The following HDAC4 variants were observed in gnomAD, a reference collection of about 807,000 sequenced individuals.
HDAC4 encodes the protein histone deacetylase 4, also known as histone deacetylase A.
A neutral mutation model predicts 135.1 loss-of-function variants in HDAC4; 16 were observed. That is an observed-to-expected ratio of 0.12 (90% CI 0.08 to 0.18). HDAC4 has a LOEUF of 0.18. Among genes scored for constraint, HDAC4 ranks in the 10% least tolerant of loss-of-function variants. HDAC4 has a pLI of 1.00. For synonymous variants in HDAC4, 685 were observed against 653.4 expected, an observed-to-expected ratio of 1.05 and a Z score of -0.74; for missense variants, 1,143 against 1,511.8, an observed-to-expected ratio of 0.76 and a Z score of 4.05.
At chr2:239,216,543 CTTTG>C (rs2046650194) in intron 3 of HDAC4, among the ~76,000 whole-genome samples, 1 of 152,200 alleles carries the variant, frequency 6.6e-6, no homozygotes, top group African/African-American at 2.4e-5. Flanking sequence ...GAAGAGAAGG[CTTTG>C]TTTAACTGAG....
chr2:239,242,239 A>AGGGG (rs879328905), intron 2 of HDAC4, among the ~76,000 whole-genome samples: 1 of 43,894 alleles, frequency 2.3e-5, no homozygotes, highest in Non-Finnish European at 5.2e-5. Flanking sequence ...GAAGGGAGGG[A>AGGGG]GGGAGGGAGG....
intron 2 of HDAC4, among the ~76,000 whole-genome samples, chr2:239,319,385 G>C (rs2053232136): frequency 6.6e-6 from 1 of 152,220 alleles, no homozygotes; most frequent in Non-Finnish European, 1.5e-5. Flanking sequence ...ATAAAAATGG[G>C]TGACCCATGT....
intron 9 of HDAC4, among the ~76,000 whole-genome samples, chr2:239,137,359 A>T (rs2041038025): frequency 6.6e-6 from 1 of 152,182 alleles, no homozygotes; most frequent in Non-Finnish European, 1.5e-5. Context: ...GCCACAGAGG[A>T]GCTGTCCCCT....
At position 239,102,112 on chromosome 2, in the gene HDAC4, T is replaced by C. The variant is rs1206847292; in HGVS notation, c.2233+664A>G. On this transcript the variant is annotated intron_variant, in intron 16 of 26. Coordinates refer to ENST00000543185, the MANE Select transcript of HDAC4 (RefSeq NM_001378414.1). ...CCCCCGGCCCGGGGTCCACGTTCTG[T>C]GCCCTGGAAGCCCCCGGCCCGGGGT... is the stretch of plus-strand genomic sequence containing the variant. Among the ~76,000 whole-genome samples, 299 of 148,498 alleles carry C rather than the reference T, an allele frequency of 2.0e-3. 3 individuals are homozygous for C. Among genetic ancestry groups the C allele is most frequent in the East Asian group, 3.8e-3 (19 of 4,982 alleles).
At chr2:239,382,158 C>G (rs1015357157) in intron 1 of HDAC4, among the ~76,000 whole-genome samples, 1 of 152,258 alleles carries the variant, frequency 6.6e-6, no homozygotes, top group African/African-American at 2.4e-5. Context: ...TTAGTCAGGA[C>G]CTGCACCCAC....
intron 2 of HDAC4, among the ~76,000 whole-genome samples, chr2:239,329,620 G>A (rs1691424091): frequency 6.6e-6 from 1 of 151,842 alleles, no homozygotes; most frequent in African/African-American, 2.4e-5. Context: ...AAGTTATTCT[G>A]AAATTTCAAA....
At position 239,255,407 on chromosome 2, in the gene HDAC4, T is replaced by C. The variant is rs560058419; in HGVS notation, c.23-18743A>G. ...CTTAAAATTAAAGGGCTTCCCTTTT[T>C]CCTTTGACAGCTAAGAAACTCAGAG... On this transcript the variant is annotated intron_variant, in intron 2 of 26. Transcript: ENST00000543185. Among the ~76,000 whole-genome samples the C allele has an allele frequency of 3.3e-4, 51 of 152,324 alleles. No individual in the cohort carries two copies. In the South Asian group the frequency reaches 0.011, roughly 32 times the overall value.
At chr2:239,224,083 G>GT (rs2047114411) in intron 3 of HDAC4, among the ~76,000 whole-genome samples, 1 of 152,108 alleles carries the variant, frequency 6.6e-6, no homozygotes, top group South Asian at 2.1e-4. Context: ...CCAGCGCAGG[G>GT]TCTGCTCCAC....
At chr2:239,057,474 G>T (rs1179131494) in intron 24 of HDAC4, among the ~76,000 whole-genome samples, 2 of 152,194 alleles carry the variant, frequency 1.3e-5, no homozygotes, top group Non-Finnish European at 2.9e-5. Context: ...GAGTAAAACT[G>T]CAGAACATCA....
chr2:239,197,947 G>A (rs1399521361), intron 3 of HDAC4, among the ~76,000 whole-genome samples: 3 of 150,338 alleles, frequency 2.0e-5, no homozygotes, highest in Non-Finnish European at 2.9e-5. Flanking sequence ...TCCACCTCCC[G>A]GATTCAAATG....
rs570341905 is a variant in HDAC4, at chr2:239,092,048, G to A, written c.2281-1932C>T. On this transcript the variant is annotated intron_variant, in intron 17 of 26. Transcript: ENST00000543185. ...ATCGCGCCACTGCACTCCAGCCTGG[G>A]CGACAGAGCCAGACTCCGTCTCAAA... Among the ~76,000 whole-genome samples the A allele has an allele frequency of 3.3e-5, 5 of 152,214 alleles. No individual in the cohort carries two copies. In the South Asian group the frequency reaches 1.0e-3, roughly 32 times the overall value.
chr2:239,163,403 G>T (rs963354414), intron 6 of HDAC4, among the ~76,000 whole-genome samples: 1 of 152,192 alleles, frequency 6.6e-6, no homozygotes, highest in African/African-American at 2.4e-5. Context: ...CTGCAGGGGG[G>T]CCCACTCCCA....
At position 239,180,858 on chromosome 2, in the gene HDAC4, C is replaced by G. The variant is rs147532554; in HGVS notation, c.340-4295G>C. ...TAGCTCTGGACTGAGGCTGCCCCAG[C>G]CTCCAGGACGGAGACCACAGCGCTG... is the stretch of plus-strand genomic sequence containing the variant. On this transcript the variant is annotated intron_variant, in intron 4 of 26. Transcript: ENST00000543185. 5.6e-3 allele frequency among the ~76,000 whole-genome samples: 854 copies of G among 152,346 alleles called. 5 individuals carry two copies. Among genetic ancestry groups the G allele is most frequent in the African/African-American group, 0.02 (821 of 41,576 alleles).
At chr2:239,231,463 A>G (rs57482147) in intron 3 of HDAC4, among the ~76,000 whole-genome samples, 103,888 of 151,620 alleles carry the variant, frequency 0.69, 37,247 homozygotes, top group South Asian at 0.81. Flanking sequence ...CTGTAGGAGC[A>G]GTGGGGGGCA....
At chr2:239,228,993 C>A (rs1280502202) in intron 3 of HDAC4, among the ~76,000 whole-genome samples, 1 of 151,846 alleles carries the variant, frequency 6.6e-6, no homozygotes, top group Non-Finnish European at 1.5e-5. Flanking sequence ...AATACAAAAA[C>A]TAGCCGGGCG....
Position 239,049,900 on chromosome 2 carries a change from A to G in HDAC4, c.*3197T>C, listed in dbSNP as rs2030572144. On this transcript the variant is annotated 3_prime_UTR_variant, in exon 27 of 27. Transcript: ENST00000543185. ...CGCCAAGAGGCCCAGTGGCGTCATC[A>G]GGGTTTCCCTCAAAGGGATATAAAG... is the stretch of plus-strand genomic sequence containing the variant. 6.6e-6 allele frequency: 1 copy of G among 152,596 alleles called. No homozygotes were observed. Among genetic ancestry groups the G allele is most frequent in the Admixed American group, 6.5e-5 (1 of 15,290 alleles). The allele number at this position is 152,596 out of a possible 1,614,324, so 9.5% of individuals were successfully genotyped here.
chr2:239,100,050 C>T (rs2037472476), intron 16 of HDAC4, among the ~76,000 whole-genome samples: 1 of 152,244 alleles, frequency 6.6e-6, no homozygotes, highest in Non-Finnish European at 1.5e-5. Context: ...GCCGCAGGCC[C>T]CATGGAGTCT....
At chr2:239,333,079 A>C (rs1255401590) in intron 2 of HDAC4, among the ~76,000 whole-genome samples, 4 of 152,180 alleles carry the variant, frequency 2.6e-5, no homozygotes, top group Admixed American at 2.6e-4. Flanking sequence ...TCCCACAAAG[A>C]AAACTCCAAG....
intron 1 of HDAC4, among the ~76,000 whole-genome samples, chr2:239,399,567 G>A (rs1696799252): frequency 1.3e-5 from 2 of 152,178 alleles, no homozygotes; most frequent in South Asian, 4.1e-4. Flanking sequence ...GTGAAACCAG[G>A]TCAAGGTGCA....
Sources: allele counts gnomAD v4.1 joint callset (sites outside exome capture counted in the v4.1 genomes callset), GRCh38; gene constraint gnomAD v4.1.1; transcripts MANE v1.5; gene names NCBI Gene and HGNC (gene_info 2026-07-23, HGNC 2026-07-21).